NFATC3: variants seen among roughly 807,000 people sequenced by gnomAD.
The protein encoded by NFATC3 is nuclear factor of activated T-cells, cytoplasmic 3.
Under a neutral mutation model 98.6 loss-of-function variants are expected in NFATC3, and 46 were observed. The observed-to-expected ratio is 0.47, with a 90% CI of 0.37 to 0.60. NFATC3 has a LOEUF of 0.60. Among genes scored for constraint, NFATC3 ranks in the 20% least tolerant of loss-of-function variants. The pLI is 0.00. For missense variants in NFATC3, 1,256 were observed against 1,295.5 expected (o/e 0.97, Z 0.47); for synonymous variants, 512 against 472.2 (o/e 1.08, Z -1.09).
chr16:68,184,426 A>G (rs781778180), intron 8 of NFATC3, among the ~76,000 whole-genome samples: 1 of 152,188 alleles, frequency 6.6e-6, no homozygotes, highest in Admixed American at 6.5e-5. Flanking sequence ...TTTTTCCGCA[A>G]AAAATGGCAT....
At chr16:68,198,495 A>G (rs1598572987) in intron 9 of NFATC3, among the ~76,000 whole-genome samples, 1 of 152,326 alleles carries the variant, frequency 6.6e-6, no homozygotes, top group East Asian at 1.9e-4. Flanking sequence ...AGAATCTGTA[A>G]TCAAGTTTCT....
At chr16:68,103,539 C>A (rs557654453) in intron 1 of NFATC3, among the ~76,000 whole-genome samples, 1 of 152,284 alleles carries the variant, frequency 6.6e-6, no homozygotes, top group Non-Finnish European at 1.5e-5. Flanking sequence ...CTTTGGTGCA[C>A]AAAAGTTTTT....
At chr16:68,123,761 A>C (rs2036674453) in intron 2 of NFATC3, among the ~76,000 whole-genome samples, 1 of 152,008 alleles carries the variant, frequency 6.6e-6, no homozygotes, top group African/African-American at 2.4e-5. Flanking sequence ...ACACTTTGGG[A>C]GGCCGTTGAG....
At chr16:68,176,170 G>A (rs1025766926) in intron 6 of NFATC3, among the ~76,000 whole-genome samples, 1 of 151,992 alleles carries the variant, frequency 6.6e-6, no homozygotes, top group Admixed American at 6.6e-5. Flanking sequence ...TAGAAATGGG[G>A]TTTCACCATA....
At chr16:68,217,705 C>G in intron 9 of NFATC3, 1 of 1,231,508 alleles carries the variant, frequency 8.1e-7, no homozygotes, top group Non-Finnish European at 1.0e-6. Context: ...TCCTCTTTCT[C>G]CTTAGGTTTT....
intron 3 of NFATC3, among the ~76,000 whole-genome samples, chr16:68,135,026 A>C (rs1325350917): frequency 6.6e-6 from 1 of 151,958 alleles, no homozygotes; most frequent in Non-Finnish European, 1.5e-5. Context: ...AGAATTATGT[A>C]ACACTGTTAA....
intron 9 of NFATC3, among the ~76,000 whole-genome samples, chr16:68,196,355 A>C (rs1011712122): frequency 1.2e-4 from 19 of 152,098 alleles, no homozygotes; most frequent in Non-Finnish European, 1.8e-4. Context: ...TCCTGACCTC[A>C]GGTGATCTGC....
intron 5 of NFATC3, 99 bp from the exon 6 acceptor site, chr16:68,174,275 C>T (rs2039592109): frequency 1.9e-6 from 2 of 1,032,454 alleles, no homozygotes; most frequent in Non-Finnish European, 2.6e-6. Flanking sequence ...ATTTGCTTCT[C>T]TTTATTTTCT....
intron 5 of NFATC3, among the ~76,000 whole-genome samples, chr16:68,168,960 T>G (rs908438978): frequency 1.3e-5 from 2 of 152,202 alleles, no homozygotes; most frequent in African/African-American, 4.8e-5. Flanking sequence ...AAAAAATATA[T>G]TCTTTGTATA....
chr16:68,163,280 G>A lies in NFATC3; in HGVS notation c.1602-3563G>A, dbSNP rs533014013. 4.8e-3 allele frequency among the ~76,000 whole-genome samples: 732 copies of A among 152,068 alleles called. 7 individuals are homozygous for A. The highest frequency in any genetic ancestry group is 0.017 in the African/African-American group (693 of 41,476). On this transcript the variant is annotated intron_variant, in intron 4 of 9. Coordinates refer to ENST00000346183, the MANE Select transcript of NFATC3 (RefSeq NM_173165.3). ...CACCTCCCAGACGGGGTGGTGGCCG[G>A]GCAGAGGGGCTCCTCACTTCCCAGT...
chr16:68,164,384 A>G (rs907576626), intron 4 of NFATC3, among the ~76,000 whole-genome samples: 14 of 151,872 alleles, frequency 9.2e-5, no homozygotes, highest in African/African-American at 3.4e-4. Flanking sequence ...GACCGTGGAA[A>G]GAGAGGGAGA....
intron 3 of NFATC3, among the ~76,000 whole-genome samples, chr16:68,143,620 G>A (rs1307175225): frequency 1.3e-5 from 2 of 152,100 alleles, no homozygotes; most frequent in African/African-American, 2.4e-5. Context: ...AGACTGAGGC[G>A]GGCAGATGAC....
intron 3 of NFATC3, among the ~76,000 whole-genome samples, chr16:68,144,979 A>AT (rs1567519254): frequency 6.6e-6 from 1 of 151,518 alleles, no homozygotes. Flanking sequence ...ATTTTTAAAA[A>AT]TTTTTTTCGT....
Position 68,226,722 on chromosome 16 carries a change from G to A in NFATC3, c.*251G>A, listed in dbSNP as rs1356152098. 1 of 303,356 alleles carries A rather than the reference G, an allele frequency of 3.3e-6. No homozygotes were observed. Among genetic ancestry groups the A allele is most frequent in the Non-Finnish European group, 6.0e-6 (1 of 166,954 alleles). The allele number at this position is 303,356 out of a possible 1,614,324, so 18.8% of individuals were successfully genotyped here. ...TTTAACTAGGATACTTTTATATGAT[G>A]GGTGCTTTGAGTGTGAATGCAGCAG... On this transcript the variant is annotated 3_prime_UTR_variant, in exon 10 of 10. Transcript: ENST00000346183.
chr16:68,144,175 C>T, intron 3 of NFATC3, among the ~76,000 whole-genome samples: 1 of 151,956 alleles, frequency 6.6e-6, no homozygotes, highest in East Asian at 1.9e-4. Flanking sequence ...GAAAAGATGC[C>T]AAAGACATGA....
At chr16:68,096,373 T>C (rs955108466) in intron 1 of NFATC3, among the ~76,000 whole-genome samples, 1 of 152,148 alleles carries the variant, frequency 6.6e-6, no homozygotes, top group Admixed American at 6.5e-5. Flanking sequence ...GAAGAGAAAG[T>C]AGTAACCAGA....
intron 4 of NFATC3, among the ~76,000 whole-genome samples, chr16:68,159,650 C>T (rs963351536): frequency 1.3e-5 from 2 of 151,544 alleles, no homozygotes; most frequent in Non-Finnish European, 2.9e-5. Flanking sequence ...GTCTTGATCT[C>T]CTGACCTCGT....
chr16:68,092,454 A>C (rs1308323279), intron 1 of NFATC3, among the ~76,000 whole-genome samples: 2 of 143,578 alleles, frequency 1.4e-5, no homozygotes, highest in African/African-American at 5.2e-5. Context: ...CTCTCTCTCA[A>C]AAAAAAAAAA....
chr16:68,183,136 C>G (rs776249338), intron 7 of NFATC3, 104 bp from the exon 8 acceptor site: 1 of 1,167,584 alleles, frequency 8.6e-7, no homozygotes. Flanking sequence ...GCATAATTAT[C>G]TATGCTGGAG....
Sources: allele counts gnomAD v4.1 joint callset (sites outside exome capture counted in the v4.1 genomes callset), GRCh38; gene constraint gnomAD v4.1.1; transcripts MANE v1.5; gene names NCBI Gene and HGNC (gene_info 2026-07-23, HGNC 2026-07-21).